Variants in LIMA1 observed in about 807,000 individuals in gnomAD.
The protein encoded by LIMA1 is LIM domain and actin binding 1.
Under a neutral mutation model 62.6 loss-of-function variants are expected in LIMA1, and 52 were observed. The ratio of observed to expected loss-of-function variants is 0.83; its 90% CI spans 0.67 to 1.05. LIMA1 has a LOEUF of 1.05. Ranked by LOEUF, LIMA1 falls within the 50% of genes least tolerant of loss-of-function variation. The pLI is 0.00. For synonymous variants in LIMA1, 302 were observed against 317.8 expected, an observed-to-expected ratio of 0.95 and a Z score of 0.53; for missense variants, 780 against 902.2, an observed-to-expected ratio of 0.86 and a Z score of 1.74.
chr12:50,232,643 A>G (rs566168417), intron 2 of LIMA1, among the ~76,000 whole-genome samples: 1 of 151,734 alleles, frequency 6.6e-6, no homozygotes, highest in East Asian at 2.0e-4. Context: ...TGCTGGGATT[A>G]CAGGCATGAG....
At chr12:50,274,410 C>T (rs1409234494) in intron 1 of LIMA1, among the ~76,000 whole-genome samples, 1 of 152,130 alleles carries the variant, frequency 6.6e-6, no homozygotes, top group Non-Finnish European at 1.5e-5. Flanking sequence ...ATGGTGAAAT[C>T]CTGTCGCTAC....
chr12:50,248,078 G>C (rs1439492049), intron 2 of LIMA1, among the ~76,000 whole-genome samples: 1 of 152,198 alleles, frequency 6.6e-6, no homozygotes, highest in African/African-American at 2.4e-5. Context: ...TAGTTACTGA[G>C]CACTTGAAAA....
At chr12:50,218,902 A>AAC (rs1258262089) in intron 4 of LIMA1, among the ~76,000 whole-genome samples, 99 of 132,986 alleles carry the variant, frequency 7.4e-4, no homozygotes, top group African/African-American at 2.8e-3. Context: ...CCATAAAAAA[A>AAC]AAAAAAACAA....
chr12:50,261,042 A>ATATTTTTTTTTTTTTTT (rs1383547189), intron 1 of LIMA1, among the ~76,000 whole-genome samples: 7 of 54,294 alleles, frequency 1.3e-4, no homozygotes, highest in African/African-American at 4.3e-4. Context: ...CATCTAGTAT[A>ATATTTTTTTTTTTTTTT]TTTTTTTTTT....
chr12:50,269,398 CA>C (rs1364809622), intron 1 of LIMA1, among the ~76,000 whole-genome samples: 6 of 152,116 alleles, frequency 3.9e-5, no homozygotes, highest in Non-Finnish European at 8.8e-5. Flanking sequence ...GGCCTGGAAA[CA>C]AAATGATCTG....
chr12:50,249,012 CT>C lies in LIMA1; in HGVS notation c.-23-239del, dbSNP rs1941890863. On this transcript the variant is annotated intron_variant, in intron 1 of 10. Transcript: ENST00000341247. ...CAGTTCCATTTTATGACTGACCCCA[CT>C]GTGCAAACATCAATTGGCCTTTCCC... Among the ~76,000 whole-genome samples the C allele has an allele frequency of 2.0e-5, 3 of 152,238 alleles. No individual in the cohort carries two copies. The South Asian group carries it at 6.2e-4, about 31-fold the overall frequency.
intron 2 of LIMA1, among the ~76,000 whole-genome samples, chr12:50,244,228 C>T (rs564154795): frequency 2.0e-5 from 3 of 152,306 alleles, no homozygotes; most frequent in East Asian, 1.9e-4. Context: ...CTCAGCCTCC[C>T]GAGTAGCTGG....
intron 9 of LIMA1, among the ~76,000 whole-genome samples, chr12:50,190,449 C>T: frequency 6.6e-6 from 1 of 150,632 alleles, no homozygotes; most frequent in East Asian, 2.0e-4. Flanking sequence ...TTCACCACAA[C>T]CTCTGCCTCC....
At chr12:50,275,449 C>A (rs1056319542) in intron 1 of LIMA1, among the ~76,000 whole-genome samples, 2 of 151,886 alleles carry the variant, frequency 1.3e-5, no homozygotes, top group South Asian at 4.2e-4. Flanking sequence ...GGTTCTCATA[C>A]CTAAAAGGCT....
intron 8 of LIMA1, among the ~76,000 whole-genome samples, chr12:50,193,709 G>A (rs1940860484): frequency 8.0e-6 from 1 of 124,280 alleles, no homozygotes; most frequent in South Asian, 2.5e-4. Flanking sequence ...CTGTCACCCA[G>A]GCTGGAGTGC....
Position 50,177,360 on chromosome 12 carries a change from T to C in LIMA1, c.1984A>G (p.Thr662Ala). The C allele has an allele frequency of 1.9e-6, 3 of 1,614,232 alleles. No individual in the cohort carries two copies. The highest frequency in any genetic ancestry group is 2.5e-6 in the Non-Finnish European group (3 of 1,180,044). Residue 662 changes from threonine (T) to alanine (A), a missense_variant, in exon 11 of 11, where the codon ACA becomes GCA. Transcript: ENST00000341247. ...TGACCTTCCTTACTTCTCTTCCCTG[T>C]CTCTCCTTTAGATTCTTTGTTTTGC... ...TWQNKESKGE[T>A]GKRSKEGHSL...
Position 50,182,042 on chromosome 12 carries a change from G to A in LIMA1, c.1141-5C>T. The stretch of plus-strand genomic sequence containing the variant: ...TCTTGCAGGTGCCTGAAACTTCTAG[G>A]AAAAACAAAAAGACAACTTTAGCAT... On this transcript the variant is annotated splice_polypyrimidine_tract_variant and splice_region_variant and intron_variant, in intron 9 of 10. Transcript: ENST00000341247. The A allele has an allele frequency of 6.2e-7, 1 of 1,611,942 alleles. No homozygotes were observed. Among genetic ancestry groups the A allele is most frequent in the Middle Eastern group, 2.1e-4 (1 of 4,682 alleles).
chr12:50,186,570 A>G (rs1309741997), intron 9 of LIMA1: 2 of 152,414 alleles, frequency 1.3e-5, no homozygotes, highest in African/African-American at 4.8e-5. Flanking sequence ...AACCCCTCAT[A>G]AAGATGCTTA....
chr12:50,281,896 A>C (rs1942344002), intron 1 of LIMA1, among the ~76,000 whole-genome samples: 1 of 152,200 alleles, frequency 6.6e-6, no homozygotes, highest in African/African-American at 2.4e-5. Context: ...TGACCTCACT[A>C]ATACCATAAA....
chr12:50,212,720 T>C (rs1245405202), intron 4 of LIMA1, among the ~76,000 whole-genome samples: 2 of 152,352 alleles, frequency 1.3e-5, no homozygotes, highest in South Asian at 2.1e-4. Flanking sequence ...AGTGGTGTTA[T>C]AATCTTGAGA....
At chr12:50,211,331 C>CCA (rs1941252489) in intron 4 of LIMA1, among the ~76,000 whole-genome samples, 2 of 83,244 alleles carry the variant, frequency 2.4e-5, no homozygotes, top group African/African-American at 8.7e-5. Flanking sequence ...CCCACCCCCC[C>CCA]AAAAAAAAAA....
intron 9 of LIMA1, chr12:50,185,560 C>T: frequency 4.6e-6 from 2 of 437,028 alleles, no homozygotes; most frequent in Non-Finnish European, 9.2e-6. Context: ...AATAAGACCA[C>T]ATTTTTCTTT....
intron 1 of LIMA1, among the ~76,000 whole-genome samples, chr12:50,254,976 T>C (rs1941975497): frequency 6.6e-6 from 1 of 151,122 alleles, no homozygotes; most frequent in Admixed American, 6.6e-5. Context: ...AGAAGAAAAA[T>C]TGTGTCACTG....
intron 1 of LIMA1, among the ~76,000 whole-genome samples, chr12:50,278,845 C>T (rs541714612): frequency 3.3e-5 from 5 of 152,044 alleles, no homozygotes; most frequent in African/African-American, 1.2e-4. Context: ...AGTATGAGTT[C>T]AATTACCTTT....
Sources: allele counts gnomAD v4.1 joint callset (sites outside exome capture counted in the v4.1 genomes callset), GRCh38; gene constraint gnomAD v4.1.1; transcripts MANE v1.5; gene names NCBI Gene and HGNC (gene_info 2026-07-23, HGNC 2026-07-21).